The following INPP5D variants were observed in gnomAD, a reference collection of about 807,000 sequenced individuals.
The protein encoded by INPP5D is phosphatidylinositol 3,4,5-trisphosphate 5-phosphatase 1.
A neutral mutation model predicts 122.9 loss-of-function variants in INPP5D; 33 were observed. The observed-to-expected ratio is 0.27, with a 90% confidence interval of 0.20 to 0.36. The LOEUF is 0.36. Ranked by LOEUF, INPP5D falls within the 10% of genes least tolerant of loss-of-function variation. INPP5D has a pLI of 1.00. For synonymous variants in INPP5D, 584 were observed against 576.2 expected (o/e 1.01, Z -0.19); for missense variants, 1,053 against 1,412.7 (o/e 0.75, Z 4.08).
rs562664839 is a variant in INPP5D, at chr2:233,137,316, C to T, written c.666-2526C>T. Among the ~76,000 whole-genome samples, 3 of 151,696 alleles carry T rather than the reference C, an allele frequency of 2.0e-5. No homozygotes were observed. The South Asian group carries it at 6.3e-4, about 32-fold the overall frequency. ...AAACGGAAACCATTTACATAGATAA[C>T]ATTTTAAATTCATCTCTAATTTTTA... is the stretch of plus-strand genomic sequence containing the variant. On this transcript the variant is annotated intron_variant, in intron 5 of 26. Coordinates refer to ENST00000445964, the MANE Select transcript of INPP5D (RefSeq NM_001017915.3).
At chr2:233,166,705 T>C (rs1694350061) in intron 13 of INPP5D, among the ~76,000 whole-genome samples, 1 of 152,196 alleles carries the variant, frequency 6.6e-6, no homozygotes, top group Admixed American at 6.5e-5. Flanking sequence ...CAAATGCTGG[T>C]CGGTGTGGTA....
At chr2:233,122,371 G>C (rs1285919115) in intron 3 of INPP5D, 114 bp downstream of exon 3, 4 of 1,161,944 alleles carry the variant, frequency 3.4e-6, no homozygotes, top group Non-Finnish European at 4.8e-6. Context: ...TGTTGGCGTG[G>C]GGGTTAAGGA....
chr2:233,152,200 G>T (rs773825375), intron 9 of INPP5D, among the ~76,000 whole-genome samples: 1 of 150,714 alleles, frequency 6.6e-6, no homozygotes, highest in Non-Finnish European at 1.5e-5. Flanking sequence ...TCCTTAGTGC[G>T]GAGTCTGGCT....
chr2:233,150,473 G>A (rs1356251054), intron 9 of INPP5D, among the ~76,000 whole-genome samples: 3 of 152,122 alleles, frequency 2.0e-5, no homozygotes, highest in African/African-American at 7.2e-5. Flanking sequence ...GTCTTTATTA[G>A]CAGCGTGAGA....
chr2:233,080,164 G>A (rs927513790), intron 2 of INPP5D, among the ~76,000 whole-genome samples: 4 of 152,044 alleles, frequency 2.6e-5, no homozygotes, highest in African/African-American at 4.8e-5. Flanking sequence ...TCCTGACAGC[G>A]AATGATCTGC....
chr2:233,195,667 C>T (rs375620477), intron 24 of INPP5D, among the ~76,000 whole-genome samples, 172 bp downstream of exon 24: 6 of 152,016 alleles, frequency 3.9e-5, no homozygotes, highest in South Asian at 4.2e-4. Context: ...AGCAACATAT[C>T]GAGACCCTGT....
chr2:233,169,985 C>A lies in INPP5D; in HGVS notation c.1653-41C>A, dbSNP rs767274847. 47 of 1,612,808 alleles carry A rather than the reference C, an allele frequency of 2.9e-5. No individual in the cohort carries two copies. The South Asian group carries it at 4.6e-4, about 16-fold the overall frequency. ...CTTCCTGCCACAGTGGAGGGGGAAC[C>A]AGTGACCCCGTGCTAGATGGCCGCT... On this transcript the variant is annotated intron_variant, in intron 14 of 26. Transcript: ENST00000445964.
chr2:233,145,641 CTCA>C (rs1693738753), intron 6 of INPP5D, among the ~76,000 whole-genome samples: 4 of 151,688 alleles, frequency 2.6e-5, no homozygotes, highest in Admixed American at 2.6e-4. Context: ...AGAAGGGAAG[CTCA>C]AGGCAGATAT....
chr2:233,191,228 G>A (rs1695049019), intron 22 of INPP5D, among the ~76,000 whole-genome samples: 1 of 152,310 alleles, frequency 6.6e-6, no homozygotes, highest in Middle Eastern at 3.4e-3. Flanking sequence ...AGAAGTGGGT[G>A]CCCATTGATA....
chr2:233,184,662 G>A, intron 20 of INPP5D, 141 bp downstream of exon 20: 2 of 1,275,420 alleles, frequency 1.6e-6, no homozygotes, highest in East Asian at 2.5e-5. Flanking sequence ...GGCTGCAGGT[G>A]GATGACTCAA....
In INPP5D at chr2:233,078,621, G is replaced by T. The variant is rs2106208916; in HGVS notation, c.135-714G>T. Among the ~76,000 whole-genome samples, 1 of 152,270 alleles carries T rather than the reference G, an allele frequency of 6.6e-6. No individual in the cohort carries two copies. The highest frequency in any genetic ancestry group is 3.4e-3 in the Middle Eastern group (1 of 294). On this transcript the variant is annotated intron_variant, in intron 1 of 26. Coordinates refer to ENST00000445964, the MANE Select transcript of INPP5D (RefSeq NM_001017915.3). The surrounding 1 kb of genome is among the most constrained non-coding windows in gnomAD (Gnocchi z 4.6). The stretch of plus-strand genomic sequence containing the variant: ...CTTTCCATTCACCATGGGCCGCTCT[G>T]CTTGGGCCCACTGGAGTCGTGTTTC...
chr2:233,060,698 T>A lies in INPP5D; in HGVS notation c.134+86T>A. 3 of 1,530,982 alleles carry A rather than the reference T, an allele frequency of 2.0e-6. No homozygotes were observed. The East Asian group carries it at 6.8e-5, about 35-fold the overall frequency. 94.8% of individuals were successfully genotyped at this position (1,530,982 alleles called of 1,614,324 possible). Reference sequence around the variant, plus strand: ...AGCTTTGAGATGGGTTGTTCTTATGTCACAGGACAGAGTGATCTGACATGC... The same window carrying A: ...AGCTTTGAGATGGGTTGTTCTTATGACACAGGACAGAGTGATCTGACATGC... On this transcript the variant is annotated intron_variant, in intron 1 of 26. Transcript: ENST00000445964.
chr2:233,140,251 AGAG>A (rs1394526759), intron 6 of INPP5D: 15,320 of 169,776 alleles, frequency 0.09, 1,273 homozygotes, highest in East Asian at 0.3. Context: ...GGAAAGAAAA[AGAG>A]GAGATGCCTA....
intron 2 of INPP5D, among the ~76,000 whole-genome samples, chr2:233,097,364 G>GA (rs1692174302): frequency 6.6e-6 from 1 of 152,068 alleles, no homozygotes; most frequent in Non-Finnish European, 1.5e-5. Flanking sequence ...CAAGTTCTCT[G>GA]AAAAAATCCC....
intron 2 of INPP5D, among the ~76,000 whole-genome samples, chr2:233,098,987 T>C (rs1457450171): frequency 1.6e-5 from 2 of 124,126 alleles, no homozygotes; most frequent in African/African-American, 2.9e-5. Flanking sequence ...AGTCTCACTC[T>C]GTCGTCCAGG....
chr2:233,110,451 C>T (rs948504084), intron 2 of INPP5D, among the ~76,000 whole-genome samples: 1 of 152,078 alleles, frequency 6.6e-6, no homozygotes, highest in African/African-American at 2.4e-5. Flanking sequence ...CTTCCCACCT[C>T]AGTGTCCCAA....
intron 6 of INPP5D, among the ~76,000 whole-genome samples, chr2:233,144,446 G>A (rs1469407714): frequency 6.8e-6 from 1 of 147,718 alleles, no homozygotes; most frequent in Admixed American, 6.7e-5. Flanking sequence ...GGTGAAGGTG[G>A]TGGTAGTGAT....
At chr2:233,147,688 T>G (rs1693805387) in intron 9 of INPP5D, 94 bp downstream of exon 9, 1 of 674,208 alleles carries the variant, frequency 1.5e-6, no homozygotes, top group African/African-American at 1.8e-5. Flanking sequence ...GCCCTGCAGG[T>G]CTGTCTTCCG....
chr2:233,184,310 C>A (rs1694854671), intron 19 of INPP5D, 98 bp from the exon 20 acceptor site: 1 of 1,483,120 alleles, frequency 6.7e-7, no homozygotes, highest in Non-Finnish European at 9.0e-7. Context: ...CTTCCTGGGA[C>A]CCTGAGAAGG....
Sources: gnomAD v4.1 joint callset for allele counts (sites outside exome capture counted in the v4.1 genomes callset) on GRCh38, gnomAD v4.1.1 for gene constraint, Gnocchi (gnomAD v3.1) non-coding constraint, MANE v1.5 for transcripts, NCBI Gene and HGNC (gene_info 2026-07-23, HGNC 2026-07-21) for gene names.